Variants in GIPC2 observed in about 807,000 individuals in gnomAD.
The protein encoded by GIPC2 is GIPC PDZ domain containing family member 2.
A neutral mutation model predicts 30.6 loss-of-function variants in GIPC2; 30 were observed. The ratio of observed to expected loss-of-function variants is 0.98; its 90% CI spans 0.73 to 1.33. The LOEUF (loss-of-function observed/expected upper bound fraction) is 1.33, where lower values mean the gene tolerates loss of function less well. GIPC2 is among the 40% of genes most tolerant of loss of function. The pLI, the probability that GIPC2 is intolerant of heterozygous loss-of-function variation, is 0.00. For synonymous variants in GIPC2, 167 were observed against 150.0 expected, an observed-to-expected ratio of 1.11 and a Z score of -0.83; for missense variants, 414 against 390.3, an observed-to-expected ratio of 1.06 and a Z score of -0.51.
At chr1:78,048,091 A>G (rs1266544833) in intron 1 of GIPC2, among the ~76,000 whole-genome samples, 1 of 152,118 alleles carries the variant, frequency 6.6e-6, no homozygotes, top group Non-Finnish European at 1.5e-5. Flanking sequence ...AGATTTTTCC[A>G]CTTTATGGGT....
intron 1 of GIPC2, among the ~76,000 whole-genome samples, chr1:78,078,851 A>AC (rs1484906246): frequency 4.6e-5 from 7 of 151,362 alleles, no homozygotes; most frequent in African/African-American, 1.7e-4. Context: ...AAAAAAAAAA[A>AC]AAAAACAACA....
intron 2 of GIPC2, among the ~76,000 whole-genome samples, chr1:78,088,145 CTG>C (rs1661966722): frequency 6.6e-6 from 1 of 152,210 alleles, no homozygotes; most frequent in African/African-American, 2.4e-5. Context: ...CCCTCATACA[CTG>C]TTGGTGTGAG....
intron 2 of GIPC2, among the ~76,000 whole-genome samples, chr1:78,084,649 C>T (rs1050888292): frequency 2.0e-5 from 3 of 152,088 alleles, no homozygotes; most frequent in Admixed American, 2.0e-4. Context: ...AGAGATCTTT[C>T]ACCTTCCTGG....
chr1:78,052,931 G>C (rs1382484309), intron 1 of GIPC2, among the ~76,000 whole-genome samples: 1 of 152,178 alleles, frequency 6.6e-6, no homozygotes, highest in Non-Finnish European at 1.5e-5. Flanking sequence ...TCCCAGCAGT[G>C]CAAATAACTG....
chr1:78,057,085 G>A (rs1337476371), intron 1 of GIPC2, among the ~76,000 whole-genome samples: 3 of 152,014 alleles, frequency 2.0e-5, no homozygotes, highest in African/African-American at 7.2e-5. Flanking sequence ...TTTTTTTCCC[G>A]ATGAGACAAT....
chr1:78,045,858 G>T, upstream of GIPC2: 3 of 1,312,134 alleles, frequency 2.3e-6, no homozygotes, highest in Non-Finnish European at 2.9e-6. Flanking sequence ...GATAGGATGA[G>T]GGACTACGTA....
At chr1:78,088,703 G>T (rs755696599) in intron 2 of GIPC2, among the ~76,000 whole-genome samples, 4 of 151,980 alleles carry the variant, frequency 2.6e-5, no homozygotes, top group Non-Finnish European at 5.9e-5. Context: ...AATTAGCTGG[G>T]TATAGTGGCA....
At chr1:78,092,310 T>G (rs1265269875) in intron 2 of GIPC2, among the ~76,000 whole-genome samples, 1 of 152,190 alleles carries the variant, frequency 6.6e-6, no homozygotes, top group Non-Finnish European at 1.5e-5. Context: ...ATGGAAGATA[T>G]TATAATAATG....
chr1:78,073,229 G>T (rs982461598), intron 1 of GIPC2, among the ~76,000 whole-genome samples: 2 of 151,010 alleles, frequency 1.3e-5, no homozygotes, highest in African/African-American at 4.9e-5. Context: ...TCAGCCTCCT[G>T]AGTAGCTGGG....
At chr1:78,091,664 A>T (rs1466143692) in intron 2 of GIPC2, 4 of 772,772 alleles carry the variant, frequency 5.2e-6, no homozygotes, top group South Asian at 1.3e-5. Flanking sequence ...TATGGATCTT[A>T]TTCAGTCTGC....
chr1:78,104,381 A>G (rs938338280), intron 3 of GIPC2, among the ~76,000 whole-genome samples: 1 of 152,078 alleles, frequency 6.6e-6, no homozygotes, highest in Non-Finnish European at 1.5e-5. Context: ...TCTGGTGGGG[A>G]ACCCAGGCTT....
At chr1:78,105,666 T>G (rs1292322237) in intron 3 of GIPC2, among the ~76,000 whole-genome samples, 5 of 152,172 alleles carry the variant, frequency 3.3e-5, no homozygotes, top group Admixed American at 2.6e-4. Context: ...TCAACTGTTT[T>G]TAAGCTTATT....
intron 3 of GIPC2, among the ~76,000 whole-genome samples, chr1:78,100,939 AATAC>A (rs1384249012): frequency 1.1e-5 from 1 of 87,018 alleles, no homozygotes; most frequent in Non-Finnish European, 2.2e-5. Flanking sequence ...AAAAAAAAAA[AATAC>A]ACACACACAC....
upstream of GIPC2, chr1:78,045,502 G>T: frequency 1.1e-6 from 1 of 940,088 alleles, no homozygotes; most frequent in South Asian, 4.9e-5. Flanking sequence ...TAGGCAAAAG[G>T]GAAACTCAGA....
At chr1:78,069,231 A>G (rs537898999) in intron 1 of GIPC2, 51 of 297,434 alleles carry the variant, frequency 1.7e-4, no homozygotes, top group African/African-American at 1.0e-3. Flanking sequence ...GGCTTATTCT[A>G]TCCCTGGGGC....
intron 1 of GIPC2, among the ~76,000 whole-genome samples, chr1:78,065,443 C>A (rs1661486834): frequency 6.6e-6 from 1 of 151,698 alleles, no homozygotes; most frequent in African/African-American, 2.4e-5. Context: ...TAGGAAGAAT[C>A]AATATCATTA....
rs371768145 is a variant in GIPC2, at chr1:78,108,642, T to C, written c.608-10751T>C. 3.3e-5 allele frequency among the ~76,000 whole-genome samples: 5 copies of C among 152,212 alleles called. No individual in the cohort carries two copies. The East Asian group carries it at 7.7e-4, about 23-fold the overall frequency. ...CTATTCTAAAGAAGCTTCAGAAATA[T>C]TGGAGAGAGGAAGGATGCAGGGAGA... is the stretch of plus-strand genomic sequence containing the variant. On this transcript the variant is annotated intron_variant, in intron 3 of 5. Transcript: ENST00000370759.
intron 3 of GIPC2, among the ~76,000 whole-genome samples, chr1:78,099,558 C>T (rs1484661285): frequency 1.3e-5 from 2 of 151,802 alleles, no homozygotes; most frequent in East Asian, 3.9e-4. Context: ...CCTGCCTCAG[C>T]CTCCCGAGTA....
intron 1 of GIPC2, among the ~76,000 whole-genome samples, chr1:78,057,401 A>T (rs1404345930): frequency 6.6e-6 from 1 of 152,184 alleles, no homozygotes; most frequent in Non-Finnish European, 1.5e-5. Context: ...AATTTTTCTG[A>T]TGCATAATTG....
Sources: gnomAD v4.1 joint callset for allele counts (sites outside exome capture counted in the v4.1 genomes callset) on GRCh38, gnomAD v4.1.1 for gene constraint, MANE v1.5 for transcripts, NCBI Gene and HGNC (gene_info 2026-07-23, HGNC 2026-07-21) for gene names.